MAN1C1: variants seen among roughly 807,000 people sequenced by gnomAD.
MAN1C1 encodes the protein mannosidase alpha class 1C member 1.
Under a neutral mutation model 71.5 loss-of-function variants are expected in MAN1C1, and 49 were observed. That is an observed-to-expected ratio of 0.69 (90% CI 0.54 to 0.87). MAN1C1 has a LOEUF of 0.87. Ranked by LOEUF, MAN1C1 falls within the 40% of genes least tolerant of loss-of-function variation. The pLI, the probability that MAN1C1 is intolerant of heterozygous loss-of-function variation, is 0.00. For synonymous variants in MAN1C1, 352 were observed against 343.7 expected (o/e 1.02, Z -0.27); for missense variants, 743 against 835.0 (o/e 0.89, Z 1.36).
At chr1:25,761,037 G>C (rs933292713) in intron 6 of MAN1C1, 1 of 152,152 alleles carries the variant, frequency 6.6e-6, no homozygotes, top group South Asian at 2.1e-4. Context: ...ATTCATTCAC[G>C]TCCTGGCTCT....
In MAN1C1 at chr1:25,746,991, C is replaced by G. The variant is rs2047138567; in HGVS notation, c.753+208C>G. On this transcript the variant is annotated intron_variant, in intron 3 of 11. Coordinates refer to ENST00000374332, the MANE Select transcript of MAN1C1 (RefSeq NM_020379.4). This position sits in a 1 kb window ranked among gnomAD's most constrained non-coding sequence, Gnocchi z 4.0. The stretch of plus-strand genomic sequence containing the variant: ...TTGAGGTGGGGACATCCTCCCCAGT[C>G]TAGCATCTTCCCTGGGGAGGGGACA... 1.3e-5 allele frequency among the ~76,000 whole-genome samples: 2 copies of G among 152,224 alleles called. No homozygotes were observed. The highest frequency in any genetic ancestry group is 2.9e-5 in the Non-Finnish European group (2 of 68,026).
chr1:25,740,268 C>T (rs1227584311), intron 2 of MAN1C1, among the ~76,000 whole-genome samples: 1 of 152,022 alleles, frequency 6.6e-6, no homozygotes, highest in Admixed American at 6.6e-5. Context: ...GAAGGGACAG[C>T]GTGCAGCCAA....
In MAN1C1 at chr1:25,694,122, A is replaced by G. The variant is rs145663580; in HGVS notation, c.637+7586A>G. On this transcript the variant is annotated intron_variant, in intron 2 of 11. Transcript: ENST00000374332. ...GTCTCTGAGTGCCCTATTTTCCCTC[A>G]TGTCCTTCGGCCTGGGTTTGGCTGG... 1.4e-4 allele frequency among the ~76,000 whole-genome samples: 21 copies of G among 152,204 alleles called. No individual in the cohort carries two copies. In the East Asian group the frequency reaches 2.9e-3, roughly 21 times the overall value.
intron 2 of MAN1C1, among the ~76,000 whole-genome samples, chr1:25,713,991 C>G (rs757670045): frequency 9.9e-5 from 15 of 152,160 alleles, no homozygotes; most frequent in Non-Finnish European, 1.6e-4. Context: ...AAATACCACT[C>G]ATTTTTAAAA....
At chr1:25,695,388 A>C (rs1185093916) in intron 2 of MAN1C1, among the ~76,000 whole-genome samples, 1 of 152,144 alleles carries the variant, frequency 6.6e-6, no homozygotes, top group Non-Finnish European at 1.5e-5. Flanking sequence ...GGTCACTGAT[A>C]GCCAGGCCCT....
intron 2 of MAN1C1, among the ~76,000 whole-genome samples, chr1:25,745,951 A>G (rs1300747970): frequency 6.6e-6 from 1 of 151,870 alleles, no homozygotes; most frequent in African/African-American, 2.4e-5. Context: ...AGATAGCACC[A>G]TTATACTCCA....
At chr1:25,620,100 C>T (rs6693537) in intron 1 of MAN1C1, among the ~76,000 whole-genome samples, 7,621 of 152,230 alleles carry the variant, frequency 0.05, 634 homozygotes, top group African/African-American at 0.17. Flanking sequence ...GATTCTCCCT[C>T]TCTGTGTAAG....
chr1:25,782,861 T>C lies in MAN1C1; in HGVS notation c.1766+161T>C, dbSNP rs2047715777. On this transcript the variant is annotated intron_variant, in intron 11 of 11. Coordinates refer to ENST00000374332, the MANE Select transcript of MAN1C1 (RefSeq NM_020379.4). This position sits in a 1 kb window ranked among gnomAD's most constrained non-coding sequence, Gnocchi z 4.4. ...AGGGCTGCACCCCAGGTGTGAGCCT[T>C]GGGCCAGGCCGCTTTCTCGGAGAGT... Among the ~76,000 whole-genome samples the C allele has an allele frequency of 6.6e-6, 1 of 151,896 alleles. No individual in the cohort carries two copies. The highest frequency in any genetic ancestry group is 2.4e-5 in the African/African-American group (1 of 41,360).
Position 25,783,657 on chromosome 1 carries a change from G to A in MAN1C1, c.1767-6G>A, listed in dbSNP as rs767448605. The A allele has an allele frequency of 1.9e-6, 3 of 1,611,324 alleles. No individual in the cohort carries two copies. Among genetic ancestry groups the A allele is most frequent in the Non-Finnish European group, 2.5e-6 (3 of 1,179,728 alleles). On this transcript the variant is annotated splice_region_variant and splice_polypyrimidine_tract_variant and intron_variant, in intron 11 of 11. Transcript: ENST00000374332. ...GTCTTGCTTCCCTGCCCTGCGTGGG[G>A]CACAGGTATCTCTATCTTCTGTTCT...
At chr1:25,685,643 A>G (rs1225880818) in intron 1 of MAN1C1, among the ~76,000 whole-genome samples, 1 of 152,208 alleles carries the variant, frequency 6.6e-6, no homozygotes. Context: ...GAACTCATGC[A>G]TACTCTGGGT....
intron 1 of MAN1C1, among the ~76,000 whole-genome samples, chr1:25,683,979 G>C (rs1471249711): frequency 6.6e-6 from 1 of 152,102 alleles, no homozygotes; most frequent in Non-Finnish European, 1.5e-5. Flanking sequence ...CTATGAAAAC[G>C]GGCCACGTTC....
intron 1 of MAN1C1, among the ~76,000 whole-genome samples, chr1:25,620,899 A>G (rs778640980): frequency 3.3e-5 from 5 of 152,224 alleles, no homozygotes; most frequent in African/African-American, 4.8e-5. Flanking sequence ...CTGGGCATGC[A>G]TATGTCAGGA....
At chr1:25,741,443 G>A (rs2047063079) in intron 2 of MAN1C1, among the ~76,000 whole-genome samples, 2 of 152,216 alleles carry the variant, frequency 1.3e-5, no homozygotes, top group East Asian at 1.9e-4. Context: ...AGAAGCAAGA[G>A]GAAGAATGGC....
At position 25,711,668 on chromosome 1, in the gene MAN1C1, C is replaced by T. The variant is rs535463115; in HGVS notation, c.637+25132C>T. On this transcript the variant is annotated intron_variant, in intron 2 of 11. Coordinates refer to ENST00000374332, the MANE Select transcript of MAN1C1 (RefSeq NM_020379.4). The surrounding 1 kb of genome is among the most constrained non-coding windows in gnomAD (Gnocchi z 4.3). ...GCCCCGCCCCTCCTCCCTGCGGCCC[C>T]GCCCCTCCCCTGCGTGCTGCAAGCC... 6.8e-4 allele frequency among the ~76,000 whole-genome samples: 103 copies of T among 151,396 alleles called. 1 individual carries two copies. Among genetic ancestry groups the T allele is most frequent in the African/African-American group, 2.4e-3 (100 of 41,212 alleles).
intron 3 of MAN1C1, 96 bp from the exon 4 acceptor site, chr1:25,749,159 G>A (rs1461971944): frequency 2.0e-6 from 2 of 982,338 alleles, no homozygotes; most frequent in African/African-American, 3.2e-5. Flanking sequence ...GCCGGGGACA[G>A]GTATGGGAGG....
chr1:25,748,416 A>T (rs929653442), intron 3 of MAN1C1, among the ~76,000 whole-genome samples: 2 of 152,168 alleles, frequency 1.3e-5, no homozygotes, highest in African/African-American at 4.8e-5. Flanking sequence ...ATGCTGAGGG[A>T]ACCCTCTGGG....
At chr1:25,712,865 A>G (rs1186436011) in intron 2 of MAN1C1, among the ~76,000 whole-genome samples, 1 of 152,130 alleles carries the variant, frequency 6.6e-6, no homozygotes, top group Non-Finnish European at 1.5e-5. Context: ...GGAAAATGCA[A>G]GTGCCAAGAC....
At chr1:25,703,479 C>T (rs1035966191) in intron 2 of MAN1C1, among the ~76,000 whole-genome samples, 6 of 152,090 alleles carry the variant, frequency 3.9e-5, no homozygotes, top group Non-Finnish European at 8.8e-5. Flanking sequence ...GTCGGGAGTT[C>T]GAGACCAGCC....
At chr1:25,723,131 G>A (rs566848023) in intron 2 of MAN1C1, among the ~76,000 whole-genome samples, 7 of 152,198 alleles carry the variant, frequency 4.6e-5, no homozygotes, top group Admixed American at 3.9e-4. Context: ...GATCCATGTG[G>A]GCAAGAGGGC....
Sources: allele counts gnomAD v4.1 joint callset (sites outside exome capture counted in the v4.1 genomes callset), GRCh38; gene constraint gnomAD v4.1.1; non-coding constraint Gnocchi (gnomAD v3.1); transcripts MANE v1.5; gene names NCBI Gene and HGNC (gene_info 2026-07-23, HGNC 2026-07-21).